CYFIP2: variants seen among roughly 807,000 people sequenced by gnomAD.
CYFIP2 encodes the protein cytoplasmic FMR1-interacting protein 2.
In CYFIP2, 29 loss-of-function variants were observed where a neutral mutation model predicts 158.7. The ratio of observed to expected loss-of-function variants is 0.18; its 90% CI spans 0.14 to 0.25. The LOEUF is 0.25. CYFIP2 is among the 10% of genes least tolerant of loss of function. The pLI is 1.00. For synonymous variants in CYFIP2, 585 were observed against 617.6 expected, an observed-to-expected ratio of 0.95 and a Z score of 0.78; for missense variants, 852 against 1,639.5, an observed-to-expected ratio of 0.52 and a Z score of 8.29.
At chr5:157,285,889 G>A (rs1322117617) in intron 2 of CYFIP2, among the ~76,000 whole-genome samples, 1 of 152,234 alleles carries the variant, frequency 6.6e-6, no homozygotes, top group Non-Finnish European at 1.5e-5. Flanking sequence ...GCTCAGGGAA[G>A]CTGGTCACAG....
intron 10 of CYFIP2, among the ~76,000 whole-genome samples, chr5:157,310,338 CA>C (rs1191612552): frequency 7.2e-5 from 11 of 152,216 alleles, no homozygotes; most frequent in Non-Finnish European, 2.9e-5. Context: ...TGGGGGGCTC[CA>C]ACCTCTGCTG....
At chr5:157,270,100 G>C (rs1755962307) in intron 1 of CYFIP2, among the ~76,000 whole-genome samples, 2 of 152,252 alleles carry the variant, frequency 1.3e-5, no homozygotes, top group African/African-American at 4.8e-5. Context: ...GGGCAACTCA[G>C]ATACAGGCAG....
intron 3 of CYFIP2, among the ~76,000 whole-genome samples, chr5:157,292,095 C>G (rs968464504): frequency 6.6e-6 from 1 of 152,118 alleles, no homozygotes; most frequent in African/African-American, 2.4e-5. Flanking sequence ...AGTATACTTT[C>G]TGTTTCTATG....
chr5:157,389,932 A>G (rs1046730963), intron 29 of CYFIP2, among the ~76,000 whole-genome samples: 3 of 152,138 alleles, frequency 2.0e-5, no homozygotes, highest in Admixed American at 6.5e-5. Context: ...TTGAGGACAA[A>G]AGAGACAGCC....
chr5:157,366,835 G>A (rs1764418838), intron 26 of CYFIP2, among the ~76,000 whole-genome samples: 1 of 152,176 alleles, frequency 6.6e-6, no homozygotes, highest in Non-Finnish European at 1.5e-5. Flanking sequence ...AGGGAAAATA[G>A]CAGTCACTAA....
chr5:157,333,791 G>A (rs1900158), intron 21 of CYFIP2, among the ~76,000 whole-genome samples: 70,606 of 151,994 alleles, frequency 0.46, 18,243 homozygotes, highest in African/African-American at 0.71. Context: ...TCACAGGTGT[G>A]CAGTAGTATA....
In CYFIP2 at chr5:157,331,196, C is replaced by T. The variant is rs560468222; in HGVS notation, c.2265+346C>T. Among the ~76,000 whole-genome samples the T allele has an allele frequency of 1.3e-4, 20 of 152,000 alleles. No individual in the cohort carries two copies. In the East Asian group the frequency reaches 2.5e-3, roughly 19 times the overall value. On this transcript the variant is annotated intron_variant, in intron 20 of 30. Coordinates refer to ENST00000620254, the MANE Select transcript of CYFIP2 (RefSeq NM_001037333.3). Reference sequence around the variant, plus strand: ...CTGTCCCTGAACAGGGCCCAAGTGCCGGTCTAAGTGAGGAAGACTGTGGCG... The same window carrying T: ...CTGTCCCTGAACAGGGCCCAAGTGCTGGTCTAAGTGAGGAAGACTGTGGCG...
At chr5:157,326,070 T>TG in intron 17 of CYFIP2, 101 bp from the exon 18 acceptor site, 1 of 912,532 alleles carries the variant, frequency 1.1e-6, no homozygotes, top group Non-Finnish European at 1.8e-6. Flanking sequence ...AGATGGTCTT[T>TG]TCCTGACTGT....
intron 15 of CYFIP2, among the ~76,000 whole-genome samples, chr5:157,323,207 G>C (rs144656990): frequency 1.3e-5 from 2 of 152,292 alleles, no homozygotes; most frequent in Non-Finnish European, 2.9e-5. Flanking sequence ...CCTGTAAGCG[G>C]GAGTTAATTG....
At chr5:157,328,156 A>G in intron 19 of CYFIP2, 107 bp downstream of exon 19, 1 of 1,122,742 alleles carries the variant, frequency 8.9e-7, no homozygotes, top group East Asian at 2.6e-5. Flanking sequence ...TTAGGAAAAC[A>G]GAGCCATTCC....
chr5:157,308,640 C>T (rs1255119202), intron 9 of CYFIP2, among the ~76,000 whole-genome samples: 8 of 152,152 alleles, frequency 5.3e-5, no homozygotes, highest in African/African-American at 1.9e-4. Flanking sequence ...GGCATTAGAT[C>T]GAGCCTGAGT....
intron 23 of CYFIP2, among the ~76,000 whole-genome samples, chr5:157,348,691 C>T (rs558920369): frequency 2.0e-5 from 3 of 152,260 alleles, no homozygotes; most frequent in South Asian, 4.1e-4. Flanking sequence ...GGATTACAGG[C>T]GTGAGCCACT....
At chr5:157,281,495 G>A (rs1411207936) in intron 1 of CYFIP2, among the ~76,000 whole-genome samples, 3 of 152,090 alleles carry the variant, frequency 2.0e-5, no homozygotes, top group Non-Finnish European at 4.4e-5. Context: ...ATAAAGGTTG[G>A]TTCACAGGCT....
chr5:157,390,473 C>A, intron 29 of CYFIP2, 48 bp from the exon 30 acceptor site: 2 of 1,456,814 alleles, frequency 1.4e-6, no homozygotes, highest in Non-Finnish European at 1.9e-6. Context: ...CCTCCCTGCC[C>A]TCCTCCCCCG....
chr5:157,362,494 C>T (rs986278241), intron 26 of CYFIP2: 2 of 152,270 alleles, frequency 1.3e-5, no homozygotes, highest in African/African-American at 4.8e-5. Flanking sequence ...TGCTTATTTA[C>T]TTCTCAGGGC....
intron 1 of CYFIP2, among the ~76,000 whole-genome samples, chr5:157,282,469 A>C (rs1228493484): frequency 6.6e-6 from 1 of 152,218 alleles, no homozygotes; most frequent in East Asian, 1.9e-4. Context: ...AGAATTCAAC[A>C]TGAGATTTGG....
At chr5:157,276,030 C>A (rs1358007468) in intron 1 of CYFIP2, among the ~76,000 whole-genome samples, 1 of 152,136 alleles carries the variant, frequency 6.6e-6, no homozygotes, top group Non-Finnish European at 1.5e-5. Context: ...TTGTTTATGA[C>A]TTTCAATAGT....
chr5:157,315,221 C>G (rs1204830868), intron 13 of CYFIP2, 127 bp downstream of exon 13: 2 of 1,248,634 alleles, frequency 1.6e-6, no homozygotes, highest in East Asian at 5.5e-5. Context: ...GTCCTACCAT[C>G]TAAATTAATC....
intron 22 of CYFIP2, among the ~76,000 whole-genome samples, chr5:157,340,674 C>G (rs1311298634): frequency 2.0e-5 from 3 of 152,144 alleles, no homozygotes; most frequent in Non-Finnish European, 4.4e-5. Flanking sequence ...CAACAGAGAC[C>G]GTCTGGCTTC....
Sources: allele counts gnomAD v4.1 joint callset (sites outside exome capture counted in the v4.1 genomes callset), GRCh38; gene constraint gnomAD v4.1.1; transcripts MANE v1.5; gene names NCBI Gene and HGNC (gene_info 2026-07-23, HGNC 2026-07-21).